Variants in ZNF512B observed in about 807,000 individuals in gnomAD.
ZNF512B encodes zinc finger protein 512B.
Under a neutral mutation model 87.8 loss-of-function variants are expected in ZNF512B, and 22 were observed. That is an observed-to-expected ratio of 0.25 (90% CI 0.18 to 0.36). The LOEUF (loss-of-function observed/expected upper bound fraction) is 0.36. Ranked by LOEUF, ZNF512B falls within the 10% of genes least tolerant of loss-of-function variation. The probability of loss-of-function intolerance (pLI) is 1.00; values close to 1 mark genes in which losing one functional copy is unlikely to be tolerated. For synonymous variants in ZNF512B, 524 were observed against 490.9 expected (o/e 1.07, Z -0.89); for missense variants, 1,060 against 1,231.6 (o/e 0.86, Z 2.09).
Position 63,962,392 on chromosome 20 carries a change from C to T in ZNF512B, c.2164-18G>A. 2 of 1,603,492 alleles carry T rather than the reference C, an allele frequency of 1.2e-6. No individual in the cohort carries two copies. Among genetic ancestry groups the T allele is most frequent in the East Asian group, 2.2e-5 (1 of 44,844 alleles). On this transcript the variant is annotated intron_variant, in intron 13 of 16. Transcript: ENST00000369888. ...TAGTTGAGCTGTGAATTCGACAGCA[C>T]CAGGGTGAGCCTGAGGCCAGAAGAC...
intron 3 of ZNF512B, among the ~76,000 whole-genome samples, 183 bp downstream of exon 3, chr20:63,967,198 G>A (rs888232351): frequency 6.6e-6 from 1 of 152,202 alleles, no homozygotes; most frequent in Non-Finnish European, 1.5e-5. Context: ...GCCCACCAAC[G>A]CGATCCCCCG....
rs2058929522 is a variant in ZNF512B at position 63,966,528 on chromosome 20, A to G, written c.647T>C (p.Val216Ala). Residue 216 changes from valine (V) to alanine (A), a missense_variant, in exon 5 of 17, where the codon GTC becomes GCC. This residue lies in a region of ZNF512B where 201 missense variants were observed against 226.8 expected (regional missense o/e 0.89). Coordinates refer to ENST00000369888, the MANE Select transcript of ZNF512B (RefSeq NM_020713.3). The part of the protein sequence containing the change: ...VSKPIGISKP[V>A]SVGRPMPVTK... Reference sequence around the variant, plus strand: ...GACTGGCATGGGTCTGCCGACCGAGACTGGCTTGCTGATGCCAATGGGTTT... The same window carrying G: ...GACTGGCATGGGTCTGCCGACCGAGGCTGGCTTGCTGATGCCAATGGGTTT... The G allele has an allele frequency of 1.2e-6, 2 of 1,613,828 alleles. No individual in the cohort carries two copies. The highest frequency in any genetic ancestry group is 1.7e-6 in the Non-Finnish European group (2 of 1,180,006).
In ZNF512B at chr20:63,963,424, G is replaced by A. The variant is rs1418441626; in HGVS notation, c.1715C>T (p.Ala572Val). 6 of 1,548,482 alleles carry A rather than the reference G, an allele frequency of 3.9e-6. No individual in the cohort carries two copies. The highest frequency in any genetic ancestry group is 1.4e-5 in the African/African-American group (1 of 73,492). Residue 572 changes from alanine to valine, a missense_variant, in exon 11 of 17, where the codon GCC becomes GTC. Transcript: ENST00000369888. ...EHSAKPSDAEASEGGEQEERE... is the reference protein window; with the variant it reads ...EHSAKPSDAEVSEGGEQEERE... ...CTCCTCCTGCTCGCCCCCTTCGGAG[G>A]CCTCGGCGTCAGAGGGCTGGGGACA... is the stretch of plus-strand genomic sequence containing the variant.
chr20:63,968,128 A>G (rs1445575542), intron 1 of ZNF512B, among the ~76,000 whole-genome samples, 176 bp from the exon 2 acceptor site: 1 of 152,082 alleles, frequency 6.6e-6, no homozygotes, highest in East Asian at 1.9e-4. Flanking sequence ...GACTTAGGGG[A>G]GGGGCTGCCA....
chr20:63,967,961 C>T lies in ZNF512B; in HGVS notation c.-2-9G>A. ...GAAAGGATCCGTCATCTCTGCAGAG[C>T]AAGTAGACAATCTGTGAAGCCTGAC... On this transcript the variant is annotated splice_polypyrimidine_tract_variant and intron_variant, in intron 1 of 16. Transcript: ENST00000369888. 6.3e-7 allele frequency: 1 copy of T among 1,597,064 alleles called. No individual in the cohort carries two copies. The highest frequency in any genetic ancestry group is 2.3e-5 in the East Asian group (1 of 44,420).
chr20:63,968,563 A>G lies in ZNF512B; in HGVS notation c.-2-611T>C, dbSNP rs542261690. The stretch of plus-strand genomic sequence containing the variant: ...TCTTCTCTCCAGACACAGATGGAAA[A>G]CAGCCAAGGTGGGCACTGAGGACCC... On this transcript the variant is annotated intron_variant, in intron 1 of 16. Coordinates refer to ENST00000369888, the MANE Select transcript of ZNF512B (RefSeq NM_020713.3). Among the ~76,000 whole-genome samples the G allele has an allele frequency of 7.9e-5, 12 of 152,292 alleles. No homozygotes were observed. The South Asian group carries it at 1.7e-3, about 21-fold the overall frequency.
chr20:63,969,075 C>T, intron 1 of ZNF512B: 1 of 979,410 alleles, frequency 1.0e-6, no homozygotes, highest in Non-Finnish European at 1.2e-6. Context: ...AGTCACTGCC[C>T]ATTGCCAAGG....
rs1487340123 is a variant in ZNF512B, at chr20:63,967,369, G to A, written c.264+12C>T. The A allele has an allele frequency of 6.3e-7, 1 of 1,594,032 alleles. No individual in the cohort carries two copies. On this transcript the variant is annotated intron_variant, in intron 3 of 16. Coordinates refer to ENST00000369888, the MANE Select transcript of ZNF512B (RefSeq NM_020713.3). ...CCAGCATGAGCCCCACCATGGCCCT[G>A]AGGGAGCTCACAGGAATGTCTCGGA...
rs1367359860 is a variant in ZNF512B, at chr20:63,962,218, C to G, written c.2265+55G>C. The stretch of plus-strand genomic sequence containing the variant: ...CTGTTCCTGCTCAGAGGGCCACACC[C>G]AGGCTCTGGCCCTGTATGGCTCCCC... On this transcript the variant is annotated intron_variant, in intron 14 of 16. Transcript: ENST00000369888. 4.6e-6 allele frequency: 7 copies of G among 1,529,412 alleles called. No individual in the cohort carries two copies. In the African/African-American group the frequency reaches 9.6e-5, roughly 21 times the overall value. 94.7% of individuals were successfully genotyped at this position (1,529,412 alleles called of 1,614,324 possible). A position where few individuals can be genotyped will look rare whatever the true frequency, so the allele number is the denominator to read the frequency against.
At chr20:63,962,566 G>GC (rs781439157) in intron 13 of ZNF512B, 21 bp downstream of exon 13, 1 of 1,597,896 alleles carries the variant, frequency 6.3e-7, no homozygotes, top group South Asian at 1.1e-5. Context: ...GCTGTCCACA[G>GC]CCCTGGGGGG....
chr20:63,961,953 T>C lies in ZNF512B; in HGVS notation c.2317A>G (p.Ser773Gly), dbSNP rs1419768489. 1 of 1,550,954 alleles carries C rather than the reference T, an allele frequency of 6.4e-7. No individual in the cohort carries two copies. The highest frequency in any genetic ancestry group is 8.7e-7 in the Non-Finnish European group (1 of 1,146,918). Residue 773 changes from serine to glycine, a missense_variant, in exon 15 of 17, where the codon AGC becomes GGC. Coordinates refer to ENST00000369888, the MANE Select transcript of ZNF512B (RefSeq NM_020713.3). The surrounding 1 kb of genome is among the most constrained non-coding windows in gnomAD (Gnocchi z 6.4). ...GCCCCAGAACTGACCTTACTGCAGC[T>C]GGCGAGATGAGCCTTGAGTCCGGAC... is the stretch of plus-strand genomic sequence containing the variant. The part of the protein sequence containing the change: ...SVSGLKAHLA[S>G]CSKGAHLAGK...
Position 63,959,831 on chromosome 20 carries a change from G to C in ZNF512B, c.*57C>G. 1 of 1,514,892 alleles carries C rather than the reference G, an allele frequency of 6.6e-7. No homozygotes were observed. 93.8% of individuals were successfully genotyped at this position (1,514,892 alleles called of 1,614,324 possible). ...GGACAGAGGTCCCGGAGCTGGCCCT[G>C]CCTTGAACAGAGGGCGGTGTGGCGG... is the stretch of plus-strand genomic sequence containing the variant. On this transcript the variant is annotated 3_prime_UTR_variant, in exon 17 of 17. Coordinates refer to ENST00000369888, the MANE Select transcript of ZNF512B (RefSeq NM_020713.3).
chr20:63,957,242 C>T lies in ZNF512B; in HGVS notation c.*2646G>A, dbSNP rs2058746726. The stretch of plus-strand genomic sequence containing the variant: ...TCGTGTGAGCGTCGGCCCGGTGAGT[C>T]AGCCCTTCCGGGCCCTTTCCTGTTC... On this transcript the variant is annotated 3_prime_UTR_variant, in exon 17 of 17. Transcript: ENST00000369888. 6.6e-6 allele frequency: 1 copy of T among 152,648 alleles called. No homozygotes were observed. Among genetic ancestry groups the T allele is most frequent in the African/African-American group, 2.4e-5 (1 of 41,470 alleles). The allele number at this position is 152,648 out of a possible 1,614,324, so 9.5% of individuals were successfully genotyped here. A position where few individuals can be genotyped will look rare whatever the true frequency, so the allele number is the denominator to read the frequency against.
chr20:63,959,993 G>A lies in ZNF512B; in HGVS notation c.2574C>T (p.Ala858=), dbSNP rs747551506. The change falls in exon 17 of 17, where the codon GCC becomes GCT. Residue 858 remains alanine (A), a synonymous_variant. Transcript: ENST00000369888. ...AGTCGTCCCGGCGCGGGGGCAGCTT[G>A]GCCACAGGCTCCTCTGGGGTCCGCT... ...PKERTPEEPV[A]KLPPRRDDWP... The A allele has an allele frequency of 5.6e-6, 9 of 1,613,052 alleles. No homozygotes were observed. The highest frequency in any genetic ancestry group is 1.6e-4 in the Middle Eastern group (1 of 6,084).
chr20:63,959,878 C>T lies in ZNF512B; in HGVS notation c.*10G>A, dbSNP rs773201551. The T allele has an allele frequency of 4.4e-5, 69 of 1,561,406 alleles. No homozygotes were observed. The Admixed American group carries it at 6.6e-4, about 15-fold the overall frequency. On this transcript the variant is annotated 3_prime_UTR_variant, in exon 17 of 17. Transcript: ENST00000369888. ...GCGGCTGCATGGGGGCCAGGCCCCA[C>T]GCACCATGCTCACTTTTCAGGCGCC... is the stretch of plus-strand genomic sequence containing the variant.
rs2058847175 is a variant in ZNF512B at position 63,961,232 on chromosome 20, C to G, written c.2427+77G>C. Reference sequence around the variant, plus strand: ...ATGCAGGCCACTGACCTCTCTACCCCCAAGGGGTGCCCAACCCCAGCCCTG... The same window carrying G: ...ATGCAGGCCACTGACCTCTCTACCCGCAAGGGGTGCCCAACCCCAGCCCTG... On this transcript the variant is annotated intron_variant, in intron 16 of 16. Coordinates refer to ENST00000369888, the MANE Select transcript of ZNF512B (RefSeq NM_020713.3). This position sits in a 1 kb window ranked among gnomAD's most constrained non-coding sequence, Gnocchi z 6.4. The G allele has an allele frequency of 7.0e-7, 1 of 1,429,736 alleles. No homozygotes were observed. The highest frequency in any genetic ancestry group is 9.7e-7 in the Non-Finnish European group (1 of 1,027,472). 88.6% of individuals were successfully genotyped at this position (1,429,736 alleles called of 1,614,324 possible). A position where few individuals can be genotyped will look rare whatever the true frequency, so the allele number is the denominator to read the frequency against.
Position 63,964,106 on chromosome 20 carries a change from T to G in ZNF512B, c.1445A>C (p.Lys482Thr). 6.2e-7 allele frequency: 1 copy of G among 1,610,300 alleles called. No homozygotes were observed. The highest frequency in any genetic ancestry group is 1.1e-5 in the South Asian group (1 of 90,812). Residue 482 changes from lysine to threonine, a missense_variant, in exon 8 of 17, where the codon AAG becomes ACG. Physicochemically the swap from Lys to Thr is moderately conservative, Grantham distance 78. Coordinates refer to ENST00000369888, the MANE Select transcript of ZNF512B (RefSeq NM_020713.3). Reference protein sequence around the residue: ...KVPAAPITVSKEAPAPVAHPA... With the variant: ...KVPAAPITVSTEAPAPVAHPA... ...GTGGGCCACAGGGGCCGGTGCCTCC[T>G]TGCTGACAGTGATGGGGGCAGCTGG...
rs1260166038 is a variant in ZNF512B, at chr20:63,957,058, C to G, written c.*2830G>C. ...GGCCCCAGACCCGGGCCTGGGGGAG[C>G]CGCCTGGGGCCCCGCCAAACGCGGC... On this transcript the variant is annotated 3_prime_UTR_variant, in exon 17 of 17. Transcript: ENST00000369888. The G allele has an allele frequency of 1.3e-5, 2 of 152,374 alleles. No homozygotes were observed. The highest frequency in any genetic ancestry group is 4.8e-5 in the African/African-American group (2 of 41,436). 9.4% of individuals were successfully genotyped at this position (152,374 alleles called of 1,614,324 possible).
At chr20:63,963,502 G>T in intron 10 of ZNF512B, 62 bp from the exon 11 acceptor site, 1 of 1,555,516 alleles carries the variant, frequency 6.4e-7, no homozygotes, top group African/African-American at 1.4e-5. Flanking sequence ...CCCTGGCCCC[G>T]CCCCGCCCAG....
Sources: allele counts gnomAD v4.1 joint callset (sites outside exome capture counted in the v4.1 genomes callset), GRCh38; gene constraint gnomAD v4.1.1; regional missense constraint gnomAD v4.1.1; non-coding constraint Gnocchi (gnomAD v3.1); transcripts MANE v1.5; gene names NCBI Gene and HGNC (gene_info 2026-07-23, HGNC 2026-07-21).